Variants in ACTR3C observed in about 807,000 individuals in gnomAD.
ACTR3C encodes the protein actin related protein 3C.
ACTR3C carries 18 observed loss-of-function variants against 26.3 expected under a neutral mutation model. The observed-to-expected ratio is 0.68, with a 90% CI of 0.47 to 1.01. ACTR3C has a LOEUF of 1.01. ACTR3C is among the 50% of genes least tolerant of loss of function. The pLI, the probability that ACTR3C is intolerant of heterozygous loss-of-function variation, is 0.00. For missense variants in ACTR3C, 184 were observed against 250.7 expected (o/e 0.73, Z 1.80); for synonymous variants, 55 against 94.5 (o/e 0.58, Z 2.42).
the ACTR3C span, among the ~76,000 whole-genome samples, chr7:150,078,707 T>C: frequency 6.6e-6 from 1 of 152,170 alleles, no homozygotes; most frequent in Non-Finnish European, 1.5e-5. Context: ...AGATAGCTGG[T>C]AGGACATTAT....
At chr7:150,315,557 A>G (rs1796784245) in intron 1 of ACTR3C, among the ~76,000 whole-genome samples, 1 of 152,240 alleles carries the variant, frequency 6.6e-6, no homozygotes, top group South Asian at 2.1e-4. Flanking sequence ...CGTTGTTAGC[A>G]TTCAACATAT....
chr7:150,118,004 G>C, the ACTR3C span, among the ~76,000 whole-genome samples: 1 of 152,172 alleles, frequency 6.6e-6, no homozygotes. Flanking sequence ...CTGACTGTTA[G>C]AAGAAAAACT....
At chr7:150,309,469 TAA>T (rs1796101332) in intron 1 of ACTR3C, among the ~76,000 whole-genome samples, 1 of 152,120 alleles carries the variant, frequency 6.6e-6, no homozygotes, top group African/African-American at 2.4e-5. Flanking sequence ...TGTTCAACAA[TAA>T]AGAGGCAGCC....
At chr7:150,040,230 C>G in the ACTR3C span, among the ~76,000 whole-genome samples, 1 of 147,822 alleles carries the variant, frequency 6.8e-6, no homozygotes, top group Non-Finnish European at 1.5e-5. Flanking sequence ...GGGGGGCCAT[C>G]CTTTAGAAAC....
the ACTR3C span, among the ~76,000 whole-genome samples, chr7:149,952,128 C>T: frequency 6.7e-6 from 1 of 150,274 alleles, no homozygotes; most frequent in Non-Finnish European, 1.5e-5. Flanking sequence ...GGATTAGGGC[C>T]CCATCCTTAT....
the ACTR3C span, among the ~76,000 whole-genome samples, chr7:150,185,508 CTA>C: frequency 6.6e-6 from 1 of 152,038 alleles, no homozygotes; most frequent in Non-Finnish European, 1.5e-5. Context: ...TCATCTTTTT[CTA>C]TATAAAGGAA....
At chr7:149,924,560 A>C in the ACTR3C span, among the ~76,000 whole-genome samples, 1 of 152,222 alleles carries the variant, frequency 6.6e-6, no homozygotes, top group Admixed American at 6.5e-5. Context: ...GTGTCAATAA[A>C]AAAGCGGTTA....
chr7:150,054,750 G>A, the ACTR3C span, among the ~76,000 whole-genome samples: 2 of 152,156 alleles, frequency 1.3e-5, no homozygotes, highest in Non-Finnish European at 2.9e-5. Flanking sequence ...TGAAAAAATG[G>A]CATGGTCAAG....
At chr7:150,176,184 A>C in the ACTR3C span, among the ~76,000 whole-genome samples, 1 of 150,936 alleles carries the variant, frequency 6.6e-6, no homozygotes, top group African/African-American at 2.5e-5. Flanking sequence ...AAGATGAATA[A>C]AATGTTGTCT....
chr7:150,267,271 T>G (rs1834113645), intron 6 of ACTR3C, among the ~76,000 whole-genome samples: 1 of 152,238 alleles, frequency 6.6e-6, no homozygotes, highest in Non-Finnish European at 1.5e-5. Flanking sequence ...CTCCACGGTG[T>G]CAGTTACCCG....
chr7:150,080,517 T>TGTGTGTGTGTG, the ACTR3C span, among the ~76,000 whole-genome samples: 3 of 148,868 alleles, frequency 2.0e-5, no homozygotes, highest in African/African-American at 7.6e-5. Context: ...GTATGAGTGT[T>TGTGTGTGTGTG]TGTGTGTGTA....
chr7:150,065,988 T>A, the ACTR3C span, among the ~76,000 whole-genome samples: 1 of 151,950 alleles, frequency 6.6e-6, no homozygotes, highest in Non-Finnish European at 1.5e-5. Flanking sequence ...CCAGATATCA[T>A]CAAGAACAAC....
At chr7:149,943,890 A>G in the ACTR3C span, among the ~76,000 whole-genome samples, 1 of 143,716 alleles carries the variant, frequency 7.0e-6, no homozygotes, top group African/African-American at 2.9e-5. Context: ...ATTTTTAGGC[A>G]GGCCACTTCA....
intron 1 of ACTR3C, among the ~76,000 whole-genome samples, chr7:150,299,845 G>C (rs1378175770): frequency 6.6e-6 from 1 of 152,014 alleles, no homozygotes; most frequent in Non-Finnish European, 1.5e-5. Flanking sequence ...CAATGAGTAC[G>C]GAGTTTCAGT....
the ACTR3C span, among the ~76,000 whole-genome samples, chr7:150,122,532 A>T: frequency 6.6e-6 from 1 of 152,262 alleles, no homozygotes; most frequent in Non-Finnish European, 1.5e-5. Context: ...TCAAAACCAC[A>T]ATGAGATACC....
rs752360711 is a variant in ACTR3C, at chr7:150,321,853, T to C, written c.-52+1616A>G. ...GCTGGAGAACTAGACTGGCTTGGCA[T>C]TAATTTGCTTGGGGCAGGAGAAGGG... On this transcript the variant is annotated intron_variant, in intron 1 of 7. Coordinates refer to ENST00000683684, the MANE Select transcript of ACTR3C (RefSeq NM_001164458.2). Among the ~76,000 whole-genome samples, 130 of 152,346 alleles carry C rather than the reference T, an allele frequency of 8.5e-4. 1 individual carries two copies. In the Middle Eastern group the frequency reaches 0.01, roughly 12 times the overall value.
the ACTR3C span, among the ~76,000 whole-genome samples, chr7:150,161,222 A>ATATATATATATATATATT: frequency 3.1e-3 from 371 of 119,972 alleles, 3 homozygotes; most frequent in African/African-American, 0.012. Context: ...ATATATATAT[A>ATATATATATATATATATT]TATTTATTAT....
the ACTR3C span, among the ~76,000 whole-genome samples, chr7:150,067,919 AC>A: frequency 6.6e-6 from 1 of 152,070 alleles, no homozygotes; most frequent in African/African-American, 2.4e-5. Flanking sequence ...CAAAAATGAG[AC>A]AGAAAAAAAA....
the ACTR3C span, among the ~76,000 whole-genome samples, chr7:149,896,427 C>A: frequency 6.6e-6 from 1 of 152,132 alleles, no homozygotes; most frequent in East Asian, 1.9e-4. Context: ...TTAAATGGAA[C>A]AATGTTTACA....
Sources: gnomAD v4.1 joint callset for allele counts (sites outside exome capture counted in the v4.1 genomes callset) on GRCh38, gnomAD v4.1.1 for gene constraint, MANE v1.5 for transcripts, NCBI Gene and HGNC (gene_info 2026-07-23, HGNC 2026-07-21) for gene names.